The following INO80D variants were observed in gnomAD, a reference collection of about 807,000 sequenced individuals.
The protein encoded by INO80D is INO80 complex subunit D.
Under a neutral mutation model 87.6 loss-of-function variants are expected in INO80D, and 21 were observed. The ratio of observed to expected loss-of-function variants is 0.24; its 90% confidence interval spans 0.17 to 0.35. The LOEUF (loss-of-function observed/expected upper bound fraction) is 0.35, where lower values mean the gene tolerates loss of function less well. INO80D is among the 10% of genes least tolerant of loss of function. INO80D has a pLI of 1.00. For missense variants in INO80D, 982 were observed against 1,280.7 expected, an observed-to-expected ratio of 0.77 and a Z score of 3.56; for synonymous variants, 440 against 491.0, an observed-to-expected ratio of 0.90 and a Z score of 1.37.
intron 1 of INO80D, among the ~76,000 whole-genome samples, chr2:206,073,399 T>C (rs1690025943): frequency 6.6e-6 from 1 of 152,218 alleles, no homozygotes; most frequent in Non-Finnish European, 1.5e-5. Flanking sequence ...TGGCATTGAG[T>C]GCAAGATATA....
rs113667764 is a variant in INO80D at position 206,080,117 on chromosome 2, A to T, written c.-124+5784T>A. Among the ~76,000 whole-genome samples, 4 of 152,262 alleles carry T rather than the reference A, an allele frequency of 2.6e-5. 1 individual carries two copies. Among genetic ancestry groups the T allele is most frequent in the African/African-American group, 9.6e-5 (4 of 41,558 alleles). On this transcript the variant is annotated intron_variant, in intron 1 of 10. Coordinates refer to ENST00000403263, the MANE Select transcript of INO80D (RefSeq NM_017759.5). ...ATTTTTCTTCTCCAATAGACTAAAA[A>T]CTCCTCAAGGGCAGAGAACGTGTCT... is the stretch of plus-strand genomic sequence containing the variant.
rs1575830859 is a variant in INO80D, at chr2:206,037,869, T to C, written c.1073+8635A>G. On this transcript the variant is annotated intron_variant, in intron 5 of 10. Transcript: ENST00000403263. ...AAATGGATAAAGAAAATGTGTTGTA[T>C]GTATACATAATGGAATGCTATTTAG... Among the ~76,000 whole-genome samples, 4 of 152,216 alleles carry C rather than the reference T, an allele frequency of 2.6e-5. No individual in the cohort carries two copies. In the East Asian group the frequency reaches 7.7e-4, roughly 29 times the overall value.
intron 4 of INO80D, among the ~76,000 whole-genome samples, chr2:206,055,812 T>C (rs932532934): frequency 1.2e-4 from 18 of 152,250 alleles, no homozygotes; most frequent in African/African-American, 3.9e-4. Context: ...CTTGTCATTA[T>C]TCCCTAAACA....
intron 1 of INO80D, among the ~76,000 whole-genome samples, chr2:206,074,294 CA>C: frequency 6.6e-6 from 1 of 152,090 alleles, no homozygotes. Flanking sequence ...ATTTCAACAG[CA>C]AACATAACCA....
chr2:206,056,950 A>G lies in INO80D; in HGVS notation c.219-7T>C, dbSNP rs751751712. ...CAAGTGGCTGTTGCAGTACCTTTAA[A>G]ATACACACATACATGGGAAAACAGT... On this transcript the variant is annotated splice_region_variant and splice_polypyrimidine_tract_variant and intron_variant, in intron 3 of 10. Coordinates refer to ENST00000403263, the MANE Select transcript of INO80D (RefSeq NM_017759.5). 1.9e-5 allele frequency: 30 copies of G among 1,572,764 alleles called. No individual in the cohort carries two copies. Among genetic ancestry groups the G allele is most frequent in the Admixed American group, 7.3e-5 (4 of 54,658 alleles).
chr2:206,010,089 A>G (rs557881097), intron 8 of INO80D, among the ~76,000 whole-genome samples: 4 of 151,146 alleles, frequency 2.6e-5, no homozygotes, highest in East Asian at 1.9e-4. Context: ...ACACACACGC[A>G]CACACACGGT....
chr2:206,022,323 C>T (rs1575811988), intron 6 of INO80D, among the ~76,000 whole-genome samples: 2 of 152,052 alleles, frequency 1.3e-5, no homozygotes, highest in African/African-American at 4.8e-5. Context: ...GCCGAGATCA[C>T]ACCATTGCAC....
intron 1 of INO80D, among the ~76,000 whole-genome samples, chr2:206,082,879 T>G (rs1690323525): frequency 6.6e-6 from 1 of 152,212 alleles, no homozygotes; most frequent in Admixed American, 6.5e-5. Flanking sequence ...ACTAAAATTT[T>G]TATTTCTCTA....
In INO80D at chr2:206,085,081, A is replaced by C. The variant is rs1162973267; in HGVS notation, c.-124+820T>G. 6.6e-6 allele frequency among the ~76,000 whole-genome samples: 1 copy of C among 151,926 alleles called. No individual in the cohort carries two copies. The highest frequency in any genetic ancestry group is 2.4e-5 in the African/African-American group (1 of 41,398). ...TGGACAGGAACTGGCAAAGAGTTTC[A>C]AAATAGCCGAGTGCGCTCCCCCACG... On this transcript the variant is annotated intron_variant, in intron 1 of 10. Transcript: ENST00000403263. The surrounding 1 kb of genome is among the most constrained non-coding windows in gnomAD (Gnocchi z 4.5).
chr2:206,036,483 T>C (rs971506145), intron 5 of INO80D, among the ~76,000 whole-genome samples: 1 of 151,986 alleles, frequency 6.6e-6, no homozygotes, highest in African/African-American at 2.4e-5. Context: ...AACTCAGAAA[T>C]GGAAAACCAA....
intron 1 of INO80D, among the ~76,000 whole-genome samples, chr2:206,074,548 A>C (rs1180662161): frequency 1.3e-5 from 2 of 151,078 alleles, no homozygotes; most frequent in Non-Finnish European, 3.0e-5. Context: ...CGGGAGGCGG[A>C]GGTTGCAGTG....
chr2:206,085,822 C>CGCCCAGCCTGCGCG lies in INO80D; in HGVS notation c.-124+65_-124+78dup, dbSNP rs1690451685. ...GCCTCACGTAAGCGCGCTCGCCGCC[C>CGCCCAGCCTGCGCG]GCCCAGCCTGCGCGGCCCAGCCCGC... On this transcript the variant is annotated intron_variant, in intron 1 of 10. Coordinates refer to ENST00000403263, the MANE Select transcript of INO80D (RefSeq NM_017759.5). This position sits in a 1 kb window ranked among gnomAD's most constrained non-coding sequence, Gnocchi z 4.5. 6.6e-6 allele frequency: 1 copy of CGCCCAGCCTGCGCG among 152,066 alleles called. No individual in the cohort carries two copies. The highest frequency in any genetic ancestry group is 1.5e-5 in the Non-Finnish European group (1 of 68,136). 9.4% of individuals were successfully genotyped at this position (152,066 alleles called of 1,614,324 possible).
intron 4 of INO80D, among the ~76,000 whole-genome samples, chr2:206,047,333 C>T (rs1689223281): frequency 6.6e-6 from 1 of 152,096 alleles, no homozygotes; most frequent in South Asian, 2.1e-4. Flanking sequence ...ATTCTCATGC[C>T]TCAGCCTCCC....
intron 4 of INO80D, among the ~76,000 whole-genome samples, chr2:206,049,158 A>G (rs1689277282): frequency 6.6e-6 from 1 of 152,232 alleles, no homozygotes; most frequent in Admixed American, 6.5e-5. Context: ...ATGAGTTTAC[A>G]TGTGCCAAAT....
chr2:206,016,071 AC>A (rs1010185575), intron 8 of INO80D, among the ~76,000 whole-genome samples: 1 of 152,046 alleles, frequency 6.6e-6, no homozygotes, highest in African/African-American at 2.4e-5. Flanking sequence ...CATCCTCCAG[AC>A]CCCAGAATGG....
Position 205,995,578 on chromosome 2 carries a change from A to G in INO80D, c.*8790T>C, listed in dbSNP as rs1687794556. On this transcript the variant is annotated 3_prime_UTR_variant, in exon 11 of 11. Transcript: ENST00000403263. ...TTATATACATATATATCTGGAGAGC[A>G]ATATTTCATTGCCTTTGAATATCTA... 6.6e-6 allele frequency: 1 copy of G among 152,182 alleles called. No homozygotes were observed. Among genetic ancestry groups the G allele is most frequent in the Non-Finnish European group, 1.5e-5 (1 of 68,010 alleles). The allele number at this position is 152,182 out of a possible 1,614,324, so 9.4% of individuals were successfully genotyped here. A position where few individuals can be genotyped will look rare whatever the true frequency, so the allele number is the denominator to read the frequency against.
intron 5 of INO80D, among the ~76,000 whole-genome samples, chr2:206,029,655 C>T (rs1423526103): frequency 3.3e-5 from 5 of 152,254 alleles, no homozygotes; most frequent in Middle Eastern, 3.4e-3. Flanking sequence ...AGTACCTCTC[C>T]TAAGAAGCAC....
chr2:206,034,829 G>C (rs528648633), intron 5 of INO80D, among the ~76,000 whole-genome samples: 1 of 152,006 alleles, frequency 6.6e-6, no homozygotes, highest in Non-Finnish European at 1.5e-5. Flanking sequence ...TGATCTGATC[G>C]TTTACCCTTG....
intron 4 of INO80D, among the ~76,000 whole-genome samples, chr2:206,050,841 C>A (rs1430095490): frequency 6.6e-6 from 1 of 151,886 alleles, no homozygotes; most frequent in African/African-American, 2.4e-5. Context: ...TGGTCGCGGG[C>A]GCCTGTAGTC....
Sources: gnomAD v4.1 joint callset for allele counts (sites outside exome capture counted in the v4.1 genomes callset) on GRCh38, gnomAD v4.1.1 for gene constraint, Gnocchi (gnomAD v3.1) non-coding constraint, MANE v1.5 for transcripts, NCBI Gene and HGNC (gene_info 2026-07-23, HGNC 2026-07-21) for gene names.